GADL1: variants seen among roughly 807,000 people sequenced by gnomAD.
GADL1 encodes GAD like acidic amino acid decarboxylase 1, also known as acidic amino acid decarboxylase GADL1.
GADL1 carries 71 observed loss-of-function variants against 69.5 expected under a neutral mutation model. The observed-to-expected ratio is 1.02, with a 90% confidence interval of 0.84 to 1.25. GADL1 has a LOEUF of 1.25. GADL1 is among the 50% of genes most tolerant of loss of function. GADL1 has a pLI of 0.00. For missense variants in GADL1, 737 were observed against 631.8 expected (o/e 1.17, Z -1.79); for synonymous variants, 254 against 214.4 (o/e 1.18, Z -1.62).
At chr3:30,894,374 A>G (rs1698825465) in intron 1 of GADL1, among the ~76,000 whole-genome samples, 1 of 152,254 alleles carries the variant, frequency 6.6e-6, no homozygotes, top group Non-Finnish European at 1.5e-5. Flanking sequence ...CGCGCTTTAT[A>G]AAAGTTAACT....
chr3:30,762,992 TCCC>T (rs1334110431), intron 14 of GADL1, among the ~76,000 whole-genome samples: 4 of 152,210 alleles, frequency 2.6e-5, no homozygotes, highest in African/African-American at 4.8e-5. Context: ...CTTAGGTTGC[TCCC>T]AAATCTTAGC....
At chr3:30,790,760 T>A (rs1696896236) in intron 12 of GADL1, among the ~76,000 whole-genome samples, 1 of 152,178 alleles carries the variant, frequency 6.6e-6, no homozygotes, top group African/African-American at 2.4e-5. Flanking sequence ...TATATTTATA[T>A]GTACTATCTA....
At chr3:30,751,432 T>C (rs557302988) in intron 14 of GADL1, among the ~76,000 whole-genome samples, 1 of 150,204 alleles carries the variant, frequency 6.7e-6, no homozygotes, top group South Asian at 2.2e-4. Context: ...GCTTTGTCTT[T>C]CATTGCTTCT....
chr3:30,755,487 A>G (rs546527354), intron 14 of GADL1, among the ~76,000 whole-genome samples: 2 of 152,354 alleles, frequency 1.3e-5, no homozygotes, highest in East Asian at 1.9e-4. Flanking sequence ...AACCTGAAAG[A>G]TAAGTGAAGA....
chr3:30,821,534 A>G (rs1697580510), intron 11 of GADL1, among the ~76,000 whole-genome samples: 1 of 125,132 alleles, frequency 8.0e-6, no homozygotes, highest in African/African-American at 4.3e-5. Flanking sequence ...TTTGAAATTT[A>G]TCATAAGAAG....
At chr3:30,759,614 T>C (rs1024593327) in intron 14 of GADL1, among the ~76,000 whole-genome samples, 3 of 143,754 alleles carry the variant, frequency 2.1e-5, no homozygotes, top group Non-Finnish European at 1.5e-5. Context: ...TTCCACATTT[T>C]GTACATTGCT....
chr3:30,775,049 G>A (rs1396069640), intron 14 of GADL1, among the ~76,000 whole-genome samples: 3 of 152,152 alleles, frequency 2.0e-5, no homozygotes, highest in South Asian at 2.1e-4. Context: ...AGGATTTTAC[G>A]GAGGGCGTCT....
intron 11 of GADL1, among the ~76,000 whole-genome samples, chr3:30,808,497 C>CA (rs58653600): frequency 0.049 from 6,911 of 140,314 alleles, 181 homozygotes; most frequent in African/African-American, 0.067. Flanking sequence ...GACTCTATCT[C>CA]AAAAAAAAAA....
At chr3:30,758,093 T>A (rs940156228) in intron 14 of GADL1, among the ~76,000 whole-genome samples, 2 of 152,184 alleles carry the variant, frequency 1.3e-5, no homozygotes, top group Non-Finnish European at 2.9e-5. Context: ...CTTTCATAGT[T>A]TCCTGCACAG....
chr3:30,787,846 A>T (rs1696829148), intron 12 of GADL1, among the ~76,000 whole-genome samples: 1 of 152,200 alleles, frequency 6.6e-6, no homozygotes, highest in African/African-American at 2.4e-5. Flanking sequence ...ACGTCATTTT[A>T]GGAAGGCCAT....
chr3:30,887,491 C>G (rs1698725131), intron 1 of GADL1, among the ~76,000 whole-genome samples: 2 of 152,158 alleles, frequency 1.3e-5, no homozygotes, highest in African/African-American at 4.8e-5. Context: ...CCATGTAATG[C>G]CCTGCACCAC....
chr3:30,850,368 A>C (rs1698130906), intron 5 of GADL1, among the ~76,000 whole-genome samples: 1 of 152,080 alleles, frequency 6.6e-6, no homozygotes, highest in Non-Finnish European at 1.5e-5. Context: ...TTTCAAACCA[A>C]AAGTCTCAAT....
At chr3:30,839,427 C>T (rs555578387) in intron 8 of GADL1, among the ~76,000 whole-genome samples, 1 of 149,486 alleles carries the variant, frequency 6.7e-6, no homozygotes, top group African/African-American at 2.5e-5. Flanking sequence ...ACTTCAGCTG[C>T]AACAGCAAAC....
Position 30,800,588 on chromosome 3 carries a change from C to T in GADL1, c.1250+301G>A. The T allele has an allele frequency of 7.9e-6, 3 of 381,358 alleles. No individual in the cohort carries two copies. The South Asian group carries it at 8.0e-5, about 10-fold the overall frequency. The allele number at this position is 381,358 out of a possible 1,614,324, so 23.6% of individuals were successfully genotyped here. On this transcript the variant is annotated intron_variant, in intron 12 of 14. Transcript: ENST00000282538. Reference sequence around the variant, plus strand: ...AGAAGCCCTCCTGATTGATCTTGGACTCTATACCTCACCTTGCCAAAAATG... The same window carrying T: ...AGAAGCCCTCCTGATTGATCTTGGATTCTATACCTCACCTTGCCAAAAATG...
At chr3:30,750,936 A>T (rs971469422) in intron 14 of GADL1, among the ~76,000 whole-genome samples, 1 of 152,192 alleles carries the variant, frequency 6.6e-6, no homozygotes. Flanking sequence ...TCTGAAACAC[A>T]AAGTCAACCT....
intron 14 of GADL1, among the ~76,000 whole-genome samples, chr3:30,772,899 C>T (rs1575197674): frequency 6.6e-6 from 1 of 152,136 alleles, no homozygotes; most frequent in African/African-American, 2.4e-5. Flanking sequence ...CGAAGTGTAA[C>T]TCTACCACAA....
intron 11 of GADL1, among the ~76,000 whole-genome samples, chr3:30,803,582 G>A (rs1697199859): frequency 6.6e-6 from 1 of 152,158 alleles, no homozygotes; most frequent in African/African-American, 2.4e-5. Context: ...ATAAGCAAGT[G>A]GAGAACAAGA....
chr3:30,745,317 A>ACC (rs1695686884), intron 14 of GADL1, among the ~76,000 whole-genome samples: 1 of 152,210 alleles, frequency 6.6e-6, no homozygotes, highest in Non-Finnish European at 1.5e-5. Context: ...AACTTACGGT[A>ACC]ATGAAGAATA....
chr3:30,860,644 A>G (rs1698306670), intron 2 of GADL1, among the ~76,000 whole-genome samples: 1 of 152,000 alleles, frequency 6.6e-6, no homozygotes, highest in African/African-American at 2.4e-5. Flanking sequence ...CACTTTCAAA[A>G]TCTTTTAAAA....
Sources: allele counts gnomAD v4.1 joint callset (sites outside exome capture counted in the v4.1 genomes callset), GRCh38; gene constraint gnomAD v4.1.1; transcripts MANE v1.5; gene names NCBI Gene and HGNC (gene_info 2026-07-23, HGNC 2026-07-21).